The following INTS9 variants were observed in gnomAD, a reference collection of about 807,000 sequenced individuals.
The protein encoded by INTS9 is protein related to CPSF subunits of 74 kDa.
In INTS9, 55 loss-of-function variants were observed where a neutral mutation model predicts 79.7. The observed-to-expected ratio is 0.69, with a 90% CI of 0.56 to 0.86. INTS9 has a LOEUF of 0.86. INTS9 is among the 40% of genes least tolerant of loss of function. The probability of loss-of-function intolerance (pLI) is 0.00; values close to 1 mark genes in which losing one functional copy is unlikely to be tolerated. For synonymous variants in INTS9, 319 were observed against 325.2 expected (o/e 0.98, Z 0.20); for missense variants, 721 against 831.5 (o/e 0.87, Z 1.64).
intron 14 of INTS9, among the ~76,000 whole-genome samples, chr8:28,772,957 C>T (rs755045691): frequency 6.6e-6 from 1 of 152,228 alleles, no homozygotes; most frequent in Non-Finnish European, 1.5e-5. Flanking sequence ...GTCTCCAGCT[C>T]TGCTGTGGGA....
intron 1 of INTS9, among the ~76,000 whole-genome samples, chr8:28,873,610 A>G (rs1445470878): frequency 6.6e-6 from 1 of 152,242 alleles, no homozygotes; most frequent in Non-Finnish European, 1.5e-5. Flanking sequence ...GAAATGTTCT[A>G]TATCTTAATT....
chr8:28,796,904 A>G (rs1804251706), intron 8 of INTS9: 1 of 388,550 alleles, frequency 2.6e-6, no homozygotes, highest in African/African-American at 2.0e-5. Flanking sequence ...GGCACTGATT[A>G]TATCAAAATT....
chr8:28,840,784 G>C (rs1212770809), intron 4 of INTS9, among the ~76,000 whole-genome samples: 1 of 119,780 alleles, frequency 8.3e-6, no homozygotes, highest in Non-Finnish European at 1.7e-5. Flanking sequence ...ACACTCTGGG[G>C]ACTGTTGTGG....
intron 1 of INTS9, among the ~76,000 whole-genome samples, chr8:28,879,415 A>G (rs894132378): frequency 6.6e-6 from 1 of 152,228 alleles, no homozygotes; most frequent in African/African-American, 2.4e-5. Context: ...AGGGAATATC[A>G]TCAGCCTGAT....
At position 28,770,971 on chromosome 8, in the gene INTS9, G is replaced by A; in HGVS notation, c.1662+11C>T. Reference sequence around the variant, plus strand: ...AGAGGGTCCCCTGCACTCCCACCCAGCACCCCCTACCTGAAGCAAGTGCTT... The same window carrying A: ...AGAGGGTCCCCTGCACTCCCACCCAACACCCCCTACCTGAAGCAAGTGCTT... On this transcript the variant is annotated intron_variant, in intron 15 of 16. Coordinates refer to ENST00000521022, the MANE Select transcript of INTS9 (RefSeq NM_018250.4). 6.2e-7 allele frequency: 1 copy of A among 1,608,714 alleles called. No homozygotes were observed. The highest frequency in any genetic ancestry group is 1.1e-5 in the South Asian group (1 of 90,560).
chr8:28,842,111 A>C (rs1309112951), intron 4 of INTS9, among the ~76,000 whole-genome samples: 1 of 152,176 alleles, frequency 6.6e-6, no homozygotes, highest in Non-Finnish European at 1.5e-5. Flanking sequence ...AGGAAAAGTA[A>C]ATGTACTTTA....
intron 14 of INTS9, among the ~76,000 whole-genome samples, chr8:28,771,817 C>G (rs187956162): frequency 6.6e-6 from 1 of 152,152 alleles, no homozygotes; most frequent in Non-Finnish European, 1.5e-5. Context: ...TGGCGTTCTG[C>G]GCTCTCCCTG....
At chr8:28,887,265 C>T (rs1368610336) in intron 1 of INTS9, among the ~76,000 whole-genome samples, 1 of 152,150 alleles carries the variant, frequency 6.6e-6, no homozygotes, top group African/African-American at 2.4e-5. Context: ...AAGGAAGATA[C>T]TGAGAGGGTT....
intron 11 of INTS9, among the ~76,000 whole-genome samples, chr8:28,784,989 TC>T (rs977841095): frequency 2.3e-3 from 348 of 151,330 alleles, no homozygotes; most frequent in African/African-American, 8.1e-3. Context: ...TCTTCCCTTG[TC>T]CTCTAGGTCT....
chr8:28,878,598 A>T (rs1006717529), intron 1 of INTS9, among the ~76,000 whole-genome samples: 1 of 150,018 alleles, frequency 6.7e-6, no homozygotes, highest in Non-Finnish European at 1.5e-5. Flanking sequence ...CTGGGATTAT[A>T]GGTGTCAGCC....
chr8:28,885,950 C>A (rs1216480399), intron 1 of INTS9, among the ~76,000 whole-genome samples: 2 of 152,098 alleles, frequency 1.3e-5, no homozygotes, highest in East Asian at 3.8e-4. Flanking sequence ...CTGAATATTG[C>A]ATATTATAAA....
chr8:28,859,451 A>C lies in INTS9; in HGVS notation c.122T>G (p.Leu41Trp). 1 of 1,614,162 alleles carries C rather than the reference A, an allele frequency of 6.2e-7. No homozygotes were observed. The highest frequency in any genetic ancestry group is 1.1e-5 in the South Asian group (1 of 91,080). ...DMTSTLNFLPLPLVQSPRLSN... is the reference protein window; with the variant it reads ...DMTSTLNFLPWPLVQSPRLSN... The stretch of plus-strand genomic sequence containing the variant: ...CAGCACATACCTTTGAACAAGTGGC[A>C]AAGGAAGGAAATTGAGGGTAGAAGT... The change falls in exon 2 of 17, where the codon TTG becomes TGG. Residue 41 changes from leucine to tryptophan, a missense_variant. By Grantham distance (61) the Leu-to-Trp change is moderately conservative. Coordinates refer to ENST00000521022, the MANE Select transcript of INTS9 (RefSeq NM_018250.4).
rs369774358 is a variant in INTS9 at position 28,813,407 on chromosome 8, G to A, written c.609+85C>T. 7.3e-6 allele frequency: 10 copies of A among 1,372,846 alleles called. No individual in the cohort carries two copies. The Admixed American group carries it at 9.1e-5, about 13-fold the overall frequency. 85.0% of individuals were successfully genotyped at this position (1,372,846 alleles called of 1,614,324 possible). ...TCAGCAATGGAATGGCTTTAAAAAC[G>A]TAACTATAGGATTCTTCCAAACAAC... On this transcript the variant is annotated intron_variant, in intron 7 of 16. Transcript: ENST00000521022.
At chr8:28,823,110 G>A (rs1041746552) in intron 6 of INTS9, among the ~76,000 whole-genome samples, 1 of 152,172 alleles carries the variant, frequency 6.6e-6, no homozygotes, top group Admixed American at 6.5e-5. Context: ...ACTTTTCAAG[G>A]AGATAAAAGT....
chr8:28,827,335 G>A (rs1806208060), intron 6 of INTS9, among the ~76,000 whole-genome samples: 1 of 152,140 alleles, frequency 6.6e-6, no homozygotes, highest in Non-Finnish European at 1.5e-5. Context: ...CATCCTGCCA[G>A]CAAAAGCAGC....
chr8:28,882,500 AAAAAG>A (rs1267253777), intron 1 of INTS9, among the ~76,000 whole-genome samples: 1 of 144,608 alleles, frequency 6.9e-6, no homozygotes, highest in African/African-American at 2.5e-5. Context: ...AAAATAAAAA[AAAAAG>A]AAATATATGC....
chr8:28,778,841 A>C (rs375752628), intron 12 of INTS9, among the ~76,000 whole-genome samples: 14 of 152,336 alleles, frequency 9.2e-5, no homozygotes, highest in South Asian at 8.3e-4. Context: ...TGCCAGGTAC[A>C]TAAATGCCCA....
At position 28,882,554 on chromosome 8, in the gene INTS9, A is replaced by G. The variant is rs561119593; in HGVS notation, c.9+7320T>C. Among the ~76,000 whole-genome samples the G allele has an allele frequency of 2.8e-4, 41 of 148,856 alleles. No homozygotes were observed. The South Asian group carries it at 7.7e-3, about 28-fold the overall frequency. On this transcript the variant is annotated intron_variant, in intron 1 of 16. Transcript: ENST00000521022. Reference sequence around the variant, plus strand: ...AGCTAAAAAAAAAAAAAAAGAAAAAAAAAAAGAAAAATGTAGACATAATGT... The same window carrying G: ...AGCTAAAAAAAAAAAAAAAGAAAAAGAAAAAGAAAAATGTAGACATAATGT...
intron 3 of INTS9, among the ~76,000 whole-genome samples, chr8:28,849,268 C>T (rs112123565): frequency 1.7e-4 from 26 of 152,224 alleles, no homozygotes; most frequent in African/African-American, 5.1e-4. Flanking sequence ...GATTTTAGTA[C>T]GAAGTTTGAC....
Sources: gnomAD v4.1 joint callset for allele counts (sites outside exome capture counted in the v4.1 genomes callset) on GRCh38, gnomAD v4.1.1 for gene constraint, MANE v1.5 for transcripts, NCBI Gene and HGNC (gene_info 2026-07-23, HGNC 2026-07-21) for gene names.